The following SOCS5 variants were observed in gnomAD, a reference collection of about 807,000 sequenced individuals.
SOCS5 encodes suppressor of cytokine signaling 5, also known as CIS-6.
SOCS5 carries 32 observed loss-of-function variants against 42.8 expected under a neutral mutation model. The ratio of observed to expected loss-of-function variants is 0.75; its 90% CI spans 0.56 to 1.01. The LOEUF (loss-of-function observed/expected upper bound fraction) is 1.01, where lower values mean the gene tolerates loss of function less well. Ranked by LOEUF, SOCS5 falls within the 50% of genes least tolerant of loss-of-function variation. The pLI, the probability that SOCS5 is intolerant of heterozygous loss-of-function variation, is 0.00. For missense variants in SOCS5, 627 were observed against 653.0 expected (o/e 0.96, Z 0.43); for synonymous variants, 283 against 229.6 (o/e 1.23, Z -2.10).
intron 1 of SOCS5, among the ~76,000 whole-genome samples, chr2:46,707,195 A>G (rs773908176): frequency 6.6e-5 from 10 of 152,232 alleles, no homozygotes; most frequent in Non-Finnish European, 1.0e-4. Context: ...TGTGCCTGTC[A>G]GTCAAAAGGT....
chr2:46,756,686 T>G (rs1354760416), intron 1 of SOCS5, among the ~76,000 whole-genome samples: 1 of 152,112 alleles, frequency 6.6e-6, no homozygotes, highest in East Asian at 1.9e-4. Flanking sequence ...AAACTAATTT[T>G]AAAATAAATG....
intron 1 of SOCS5, among the ~76,000 whole-genome samples, chr2:46,712,054 G>C (rs1426857143): frequency 6.6e-6 from 1 of 151,822 alleles, no homozygotes; most frequent in Non-Finnish European, 1.5e-5. Flanking sequence ...ACTTTTTTTA[G>C]GTATTGTACA....
At chr2:46,745,452 A>G (rs569264163) in intron 1 of SOCS5, among the ~76,000 whole-genome samples, 4 of 152,220 alleles carry the variant, frequency 2.6e-5, no homozygotes, top group African/African-American at 9.7e-5. Context: ...ATGTCTAGCT[A>G]TGGAGTATGA....
intron 1 of SOCS5, among the ~76,000 whole-genome samples, chr2:46,733,795 T>C (rs1318357787): frequency 3.9e-5 from 6 of 152,186 alleles, no homozygotes; most frequent in Admixed American, 2.6e-4. Context: ...TTTTGGTGCC[T>C]GTTACAGAGT....
chr2:46,721,577 T>C (rs1364737651), intron 1 of SOCS5, among the ~76,000 whole-genome samples: 1 of 152,216 alleles, frequency 6.6e-6, no homozygotes, highest in African/African-American at 2.4e-5. Context: ...TGCTTCCACA[T>C]TAGACTTATA....
chr2:46,715,375 A>C (rs1483714327), intron 1 of SOCS5, among the ~76,000 whole-genome samples: 1 of 151,424 alleles, frequency 6.6e-6, no homozygotes, highest in African/African-American at 2.4e-5. Context: ...CCCTGTCAAA[A>C]AAAAAAAAAA....
chr2:46,699,467 C>A lies in SOCS5; in HGVS notation c.-13+18C>A. 1 of 151,768 alleles carries A rather than the reference C, an allele frequency of 6.6e-6. No individual in the cohort carries two copies. Among genetic ancestry groups the A allele is most frequent in the South Asian group, 1.9e-4 (1 of 5,358 alleles). 9.4% of individuals were successfully genotyped at this position (151,768 alleles called of 1,614,324 possible). Reference sequence around the variant, plus strand: ...CCCAAACGGTGAGTGTCCCCGCGGTCGCGCCCGGCCCGCCGCCTGCTCCCC... The same window carrying A: ...CCCAAACGGTGAGTGTCCCCGCGGTAGCGCCCGGCCCGCCGCCTGCTCCCC... On this transcript the variant is annotated intron_variant, in intron 1 of 1. Transcript: ENST00000394861. The surrounding 1 kb of genome is among the most constrained non-coding windows in gnomAD (Gnocchi z 4.8).
intron 1 of SOCS5, among the ~76,000 whole-genome samples, chr2:46,756,962 TTCTG>T (rs1446450829): frequency 3.3e-5 from 5 of 152,248 alleles, no homozygotes; most frequent in African/African-American, 1.2e-4. Context: ...GATTTAACAG[TTCTG>T]TCTAATACAT....
chr2:46,760,091 C>G lies in SOCS5; in HGVS notation c.1561C>G (p.Gln521Glu). The change falls in exon 2 of 2, where the codon CAA (glutamine) becomes GAA (glutamate). Residue 521 changes from glutamine (Q) to glutamate (E), a missense_variant. Gln to Glu is a conservative substitution (Grantham distance 29). Transcript: ENST00000394861. ...QDFLKEYHYKQKVRVRWLERE... is the reference protein window; with the variant it reads ...QDFLKEYHYKEKVRVRWLERE... ...TTTTTTAAAAGAGTATCATTATAAA[C>G]AAAAAGTTAGAGTTCGCTGGTTGGA... The G allele has an allele frequency of 1.2e-6, 2 of 1,613,594 alleles. No individual in the cohort carries two copies. Among genetic ancestry groups the G allele is most frequent in the Non-Finnish European group, 1.7e-6 (2 of 1,179,814 alleles).
chr2:46,734,401 T>C (rs1457380589), intron 1 of SOCS5, among the ~76,000 whole-genome samples: 1 of 152,178 alleles, frequency 6.6e-6, no homozygotes, highest in Admixed American at 6.5e-5. Context: ...CAGCCATTTG[T>C]GAAAGGAAAC....
At chr2:46,704,157 G>A (rs1056709774) in intron 1 of SOCS5, among the ~76,000 whole-genome samples, 1 of 152,180 alleles carries the variant, frequency 6.6e-6, no homozygotes, top group African/African-American at 2.4e-5. Context: ...GTAAGAGGAA[G>A]CAGTGATGAA....
chr2:46,700,805 C>T (rs1466251961), intron 1 of SOCS5, among the ~76,000 whole-genome samples: 1 of 152,060 alleles, frequency 6.6e-6, no homozygotes, highest in African/African-American at 2.4e-5. Flanking sequence ...CAGTCCGTGG[C>T]GGTTCTTCAT....
chr2:46,753,648 G>A (rs1183421500), intron 1 of SOCS5, among the ~76,000 whole-genome samples: 3 of 152,116 alleles, frequency 2.0e-5, no homozygotes, highest in Admixed American at 2.0e-4. Flanking sequence ...ATAAAATAAT[G>A]GTTACTCCAT....
chr2:46,760,220 G>A lies in SOCS5; in HGVS notation c.*79G>A, dbSNP rs1673836266. The A allele has an allele frequency of 3.0e-6, 3 of 1,001,036 alleles. No homozygotes were observed. The highest frequency in any genetic ancestry group is 4.5e-6 in the Non-Finnish European group (3 of 664,160). The allele number at this position is 1,001,036 out of a possible 1,614,324, so 62.0% of individuals were successfully genotyped here. ...AGTACACCTATAGCAAGCACACGTA[G>A]CAGTGTTAGGCTTTTTCATACAGTA... On this transcript the variant is annotated 3_prime_UTR_variant, in exon 2 of 2. Coordinates refer to ENST00000394861, the MANE Select transcript of SOCS5 (RefSeq NM_144949.3).
intron 1 of SOCS5, among the ~76,000 whole-genome samples, chr2:46,711,730 T>C (rs1022280589): frequency 6.6e-6 from 1 of 152,256 alleles, no homozygotes; most frequent in Non-Finnish European, 1.5e-5. Flanking sequence ...TTCTTCCAGA[T>C]GCTTTATGGT....
intron 1 of SOCS5, among the ~76,000 whole-genome samples, chr2:46,718,481 A>G (rs1249784987): frequency 6.6e-6 from 1 of 152,208 alleles, no homozygotes; most frequent in Non-Finnish European, 1.5e-5. Flanking sequence ...AAATAACTCA[A>G]TATCCCCAAA....
At chr2:46,753,300 C>A (rs1177618996) in intron 1 of SOCS5, among the ~76,000 whole-genome samples, 1 of 152,064 alleles carries the variant, frequency 6.6e-6, no homozygotes, top group African/African-American at 2.4e-5. Context: ...GTCACGTTTC[C>A]CTGTTATCTT....
rs1673899888 is a variant in SOCS5, at chr2:46,762,853, A to G, written c.*2712A>G. 6.0e-6 allele frequency: 1 copy of G among 166,192 alleles called. No homozygotes were observed. Among genetic ancestry groups the G allele is most frequent in the Non-Finnish European group, 1.5e-5 (1 of 68,050 alleles). 10.3% of individuals were successfully genotyped at this position (166,192 alleles called of 1,614,324 possible). On this transcript the variant is annotated 3_prime_UTR_variant, in exon 2 of 2. Coordinates refer to ENST00000394861, the MANE Select transcript of SOCS5 (RefSeq NM_144949.3). ...GTTGCTTTGATTTGTACCCATTCTCATTCATTTTCTTCATTCCCTTACACA... is the reference window on the plus strand; with the variant it reads ...GTTGCTTTGATTTGTACCCATTCTCGTTCATTTTCTTCATTCCCTTACACA...
intron 1 of SOCS5, among the ~76,000 whole-genome samples, chr2:46,727,715 G>A (rs1673028736): frequency 6.6e-6 from 1 of 152,132 alleles, no homozygotes; most frequent in South Asian, 2.1e-4. Flanking sequence ...TTGCTGTTTA[G>A]GTTGAGATCC....
Sources: gnomAD v4.1 joint callset for allele counts (sites outside exome capture counted in the v4.1 genomes callset) on GRCh38, gnomAD v4.1.1 for gene constraint, Gnocchi (gnomAD v3.1) non-coding constraint, MANE v1.5 for transcripts, NCBI Gene and HGNC (gene_info 2026-07-23, HGNC 2026-07-21) for gene names.